Variants in RBM5 observed in about 807,000 individuals in gnomAD.
The protein encoded by RBM5 is RNA-binding protein 5.
RBM5 carries 15 observed loss-of-function variants against 124.6 expected under a neutral mutation model. The observed-to-expected ratio is 0.12, with a 90% CI of 0.08 to 0.19. The LOEUF is 0.19. RBM5 is among the 10% of genes least tolerant of loss of function. RBM5 has a pLI of 1.00. For missense variants in RBM5, 580 were observed against 1,026.5 expected (o/e 0.57, Z 5.94); for synonymous variants, 337 against 361.2 (o/e 0.93, Z 0.76).
intron 14 of RBM5, 143 bp downstream of exon 14, chr3:50,108,447 G>A (rs1384522520): frequency 2.0e-5 from 16 of 810,666 alleles, no homozygotes; most frequent in Middle Eastern, 3.6e-4. Context: ...GGTGGCTCAC[G>A]CCTGTAATCC....
rs71080575 is a variant in RBM5, at chr3:50,107,672, CTTTTTTTTTTTTTTT to C, written c.1041+120_1041+134del. 1.3e-3 allele frequency: 141 copies of C among 104,876 alleles called. 1 individual carries two copies. Among genetic ancestry groups the C allele is most frequent in the Middle Eastern group, 0.01 (2 of 200 alleles). 6.5% of individuals were successfully genotyped at this position (104,876 alleles called of 1,614,324 possible). On this transcript the variant is annotated intron_variant, in intron 12 of 24. Coordinates refer to ENST00000347869, the MANE Select transcript of RBM5 (RefSeq NM_005778.4). ...CTCGCAGTATGAGCTCTTTTCTTTT[CTTTTTTTTTTTTTTT>C]TTTTTTTTTTTTTTTTGAGACAGAG... is the stretch of plus-strand genomic sequence containing the variant.
intron 15 of RBM5, chr3:50,109,955 G>C: frequency 2.9e-6 from 1 of 341,350 alleles, no homozygotes; most frequent in Non-Finnish European, 5.4e-6. Context: ...GCTCGCGCCT[G>C]TAATCCCAGC....
At chr3:50,096,990 C>T (rs765003199) in intron 4 of RBM5, among the ~76,000 whole-genome samples, 3 of 152,058 alleles carry the variant, frequency 2.0e-5, no homozygotes, top group Non-Finnish European at 4.4e-5. Flanking sequence ...GCCTAGCAAT[C>T]GGCTTGATTT....
intron 12 of RBM5, 24 bp downstream of exon 12, chr3:50,107,593 C>A: frequency 6.5e-7 from 1 of 1,532,990 alleles, no homozygotes; most frequent in South Asian, 1.1e-5. Flanking sequence ...TCTTTTTGCT[C>A]AAGGTAGTGT....
At chr3:50,099,828 C>A in intron 4 of RBM5, 154 bp from the exon 5 acceptor site, 1 of 591,352 alleles carries the variant, frequency 1.7e-6, no homozygotes, top group Non-Finnish European at 2.8e-6. Context: ...TGCCACTGCA[C>A]TCCAGCCTGG....
Position 50,114,032 on chromosome 3 carries a change from C to G in RBM5, c.1700C>G (p.Ser567Cys), listed in dbSNP as rs867690952. 6.2e-7 allele frequency: 1 copy of G among 1,614,156 alleles called. No individual in the cohort carries two copies. Among genetic ancestry groups the G allele is most frequent in the Admixed American group, 1.7e-5 (1 of 60,022 alleles). The change falls in exon 19 of 25, where the codon TCC becomes TGC. Residue 567 changes from serine (S) to cysteine (C), a missense_variant. By Grantham distance (112) the Ser-to-Cys change is moderately radical (BLOSUM62 -1). Transcript: ENST00000347869. ...AAAAATAGCTTTCAGCCTGTCAATT[C>G]CTTGAGGGAAGAAGAAAGGAGAGAA... ...NFKNSFQPVN[S>C]LREEERRESA...
Position 50,114,264 on chromosome 3 carries a change from C to G in RBM5, c.1839+13C>G. On this transcript the variant is annotated intron_variant, in intron 20 of 24. Transcript: ENST00000347869. ...GAATCCCCTCAAAGTAAGGGAGTAC[C>G]ACCAGTGTTTTAAAGACCCTATCTG... is the stretch of plus-strand genomic sequence containing the variant. 1 of 1,595,618 alleles carries G rather than the reference C, an allele frequency of 6.3e-7. No individual in the cohort carries two copies. The highest frequency in any genetic ancestry group is 8.5e-7 in the Non-Finnish European group (1 of 1,175,300).
In RBM5 at chr3:50,118,679, C is replaced by A; in HGVS notation, c.*223C>A. On this transcript the variant is annotated 3_prime_UTR_variant, in exon 25 of 25. Transcript: ENST00000347869. ...CCCGCCAGAGGGCTTGTGAACAGAC[C>A]GGAGAGGACAGTGGATTGTTTATAC... The A allele has an allele frequency of 1.6e-6, 1 of 628,948 alleles. No homozygotes were observed. Among genetic ancestry groups the A allele is most frequent in the Non-Finnish European group, 2.7e-6 (1 of 368,032 alleles). The allele number at this position is 628,948 out of a possible 1,614,324, so 39.0% of individuals were successfully genotyped here. A position where few individuals can be genotyped will look rare whatever the true frequency, so the allele number is the denominator to read the frequency against.
rs2091129091 is a variant in RBM5, at chr3:50,110,758, C to T, written c.1443C>T (p.Asp481=). 6.2e-7 allele frequency: 1 copy of T among 1,608,840 alleles called. No homozygotes were observed. Among genetic ancestry groups the T allele is most frequent in the Non-Finnish European group, 8.5e-7 (1 of 1,176,014 alleles). ...ATCCGACAACAGGGCTCTATTATGA[C>T]CCCAACTCGCAAGTAAATGTGCTGC... ...YYDPTTGLYY[D]PNSQYYYNSL... The change falls in exon 17 of 25, where the codon GAC becomes GAT. Residue 481 remains aspartate (D), a synonymous_variant. Coordinates refer to ENST00000347869, the MANE Select transcript of RBM5 (RefSeq NM_005778.4).
chr3:50,103,585 G>A (rs1349030952), intron 7 of RBM5, among the ~76,000 whole-genome samples: 1 of 152,190 alleles, frequency 6.6e-6, no homozygotes, highest in Non-Finnish European at 1.5e-5. Context: ...GGCAGAGGTT[G>A]CAATGAGCCA....
chr3:50,092,274 C>A, intron 3 of RBM5, 66 bp downstream of exon 3: 1 of 1,518,998 alleles, frequency 6.6e-7, no homozygotes. Flanking sequence ...GAAATAACAG[C>A]CAGGCAGCCA....
chr3:50,089,458 A>G (rs2090661062), intron 1 of RBM5, among the ~76,000 whole-genome samples: 1 of 152,036 alleles, frequency 6.6e-6, no homozygotes, highest in East Asian at 1.9e-4. Context: ...GGGAGGCGGG[A>G]GGGGCATGTG....
In RBM5 at chr3:50,093,861, A is replaced by G. The variant is rs765388451; in HGVS notation, c.325A>G (p.Ile109Val). 12 of 1,611,308 alleles carry G rather than the reference A, an allele frequency of 7.4e-6. No individual in the cohort carries two copies. Among genetic ancestry groups the G allele is most frequent in the Non-Finnish European group, 1.0e-5 (12 of 1,177,678 alleles). ...CATGCTGCGCGGCCTTCCCATCACC[A>G]TCACAGAGAGCGATGTAAGGGGAAA... ...TIMLRGLPIT[I>V]TESDIREMME... is the part of the protein sequence containing the mutation. The change falls in exon 4 of 25, where the codon ATC becomes GTC. Residue 109 changes from isoleucine to valine, a missense_variant. Coordinates refer to ENST00000347869, the MANE Select transcript of RBM5 (RefSeq NM_005778.4).
intron 1 of RBM5, among the ~76,000 whole-genome samples, chr3:50,089,414 C>T (rs1429857238): frequency 1.3e-5 from 2 of 152,228 alleles, no homozygotes; most frequent in African/African-American, 2.4e-5. Context: ...AAAAGCTGTT[C>T]GGTGATCGCC....
At position 50,116,706 on chromosome 3, in the gene RBM5, C is replaced by G. The variant is rs1407595356; in HGVS notation, c.2095-368C>G. The G allele has an allele frequency of 1.4e-5, 4 of 293,160 alleles. 1 individual carries two copies. In the East Asian group the frequency reaches 3.7e-4, roughly 27 times the overall value. The allele number at this position is 293,160 out of a possible 1,614,324, so 18.2% of individuals were successfully genotyped here. ...CCTTGATGTTGGAGGTATGCCTTTC[C>G]AAATGTTGGAGGTATGCCTGTCCAA... On this transcript the variant is annotated intron_variant, in intron 22 of 24. Transcript: ENST00000347869.
intron 21 of RBM5, 137 bp from the exon 22 acceptor site, chr3:50,115,769 C>T (rs2091238349): frequency 2.5e-6 from 3 of 1,177,316 alleles, no homozygotes. Context: ...GCTCCACACA[C>T]ATCAAACTAT....
At chr3:50,110,290 G>A (rs1021062883) in intron 15 of RBM5, 89 bp from the exon 16 acceptor site, 19 of 1,088,090 alleles carry the variant, frequency 1.7e-5, no homozygotes, top group African/African-American at 7.8e-5. Context: ...GTCTGTCAGG[G>A]GAGCCCTTCC....
Position 50,103,123 on chromosome 3 carries a change from A to T in RBM5, c.524A>T (p.Tyr175Phe), listed in dbSNP as rs1378849110. 3 of 1,612,884 alleles carry T rather than the reference A, an allele frequency of 1.9e-6. No individual in the cohort carries two copies. Among genetic ancestry groups the T allele is most frequent in the African/African-American group, 1.3e-5 (1 of 74,916 alleles). The change falls in exon 7 of 25, where the codon TAT (tyrosine) becomes TTT (phenylalanine). Residue 175 changes from tyrosine (Y) to phenylalanine (F), a missense_variant. Transcript: ENST00000347869. ...VIQGKHIAMH[Y>F]SNPRPKFEDW... ...CAAGGAAAGCACATTGCAATGCATT[A>T]TAGCAATCCCAGACCTAAGTTTGAA...
Position 50,118,840 on chromosome 3 carries a change from A to G in RBM5, c.*384A>G, listed in dbSNP as rs1238187372. The stretch of plus-strand genomic sequence containing the variant: ...AAAGCCACCTCTGTCATTTGTTGTG[A>G]TGTCTTTTCTTGGCAAAAGCCTTGT... On this transcript the variant is annotated 3_prime_UTR_variant, in exon 25 of 25. Transcript: ENST00000347869. 2 of 183,036 alleles carry G rather than the reference A, an allele frequency of 1.1e-5. No homozygotes were observed. Among genetic ancestry groups the G allele is most frequent in the Non-Finnish European group, 2.3e-5 (2 of 87,352 alleles). The allele number at this position is 183,036 out of a possible 1,614,324, so 11.3% of individuals were successfully genotyped here.
Sources: gnomAD v4.1 joint callset for allele counts (sites outside exome capture counted in the v4.1 genomes callset) on GRCh38, gnomAD v4.1.1 for gene constraint, MANE v1.5 for transcripts, NCBI Gene and HGNC (gene_info 2026-07-23, HGNC 2026-07-21) for gene names.